Variants in WAPL observed in about 807,000 individuals in gnomAD.
The protein encoded by WAPL is wings apart-like protein homolog.
A neutral mutation model predicts 121.0 loss-of-function variants in WAPL; 5 were observed. The observed-to-expected ratio is 0.04, with a 90% CI of 0.02 to 0.09. The LOEUF (loss-of-function observed/expected upper bound fraction) is 0.09, where lower values mean the gene tolerates loss of function less well. WAPL is among the 10% of genes least tolerant of loss of function. The pLI is 1.00. For synonymous variants in WAPL, 480 were observed against 481.5 expected (o/e 1.00, Z 0.04); for missense variants, 999 against 1,410.8 (o/e 0.71, Z 4.68).
rs896246883 is a variant in WAPL at position 86,521,689 on chromosome 10, G to T, written c.-347C>A. 4.3e-6 allele frequency: 2 copies of T among 464,160 alleles called. No individual in the cohort carries two copies. The highest frequency in any genetic ancestry group is 3.4e-4 in the Middle Eastern group (1 of 2,974). The allele number at this position is 464,160 out of a possible 1,614,324, so 28.8% of individuals were successfully genotyped here. A position where few individuals can be genotyped will look rare whatever the true frequency, so the allele number is the denominator to read the frequency against. On this transcript the variant is annotated 5_prime_UTR_variant, in exon 1 of 19. Coordinates refer to ENST00000298767, the MANE Select transcript of WAPL (RefSeq NM_015045.5). ...GCCTCCTGCGCCGCCGCTTCCGCCG[G>T]TGAATGGTCAGTGCTGGAGTTTGAA...
chr10:86,444,954 A>G (rs1383601041), intron 16 of WAPL, among the ~76,000 whole-genome samples: 6 of 151,584 alleles, frequency 4.0e-5, no homozygotes, highest in Non-Finnish European at 5.9e-5. Context: ...AGGAAAAGAC[A>G]AGTATTACAA....
chr10:86,477,762 T>C (rs907154281), intron 4 of WAPL, among the ~76,000 whole-genome samples: 2 of 151,730 alleles, frequency 1.3e-5, no homozygotes, highest in Admixed American at 6.6e-5. Flanking sequence ...GATTGCACCA[T>C]TGCACTCCAG....
At chr10:86,459,263 C>T (rs916509194) in intron 11 of WAPL, among the ~76,000 whole-genome samples, 198 bp from the exon 12 acceptor site, 5 of 152,200 alleles carry the variant, frequency 3.3e-5, no homozygotes, top group Admixed American at 2.0e-4. Flanking sequence ...ATTAAGACAT[C>T]ACTGTTATAT....
intron 17 of WAPL, among the ~76,000 whole-genome samples, chr10:86,438,271 T>TA (rs1554825065): frequency 0.061 from 9,052 of 148,342 alleles, 345 homozygotes; most frequent in Non-Finnish European, 0.093. Context: ...TTTTTTTTTT[T>TA]AAATGAAACA....
At chr10:86,493,950 C>A (rs1842100492) in intron 4 of WAPL, among the ~76,000 whole-genome samples, 1 of 152,204 alleles carries the variant, frequency 6.6e-6, no homozygotes, top group Non-Finnish European at 1.5e-5. Context: ...CTCTAGTAAG[C>A]TGAGATTGCG....
chr10:86,520,409 G>A (rs993625025), intron 1 of WAPL, among the ~76,000 whole-genome samples: 2 of 152,232 alleles, frequency 1.3e-5, no homozygotes, highest in African/African-American at 4.8e-5. Flanking sequence ...ATTAAGGAAT[G>A]AGAAGTGTAT....
Position 86,446,367 on chromosome 10 carries a change from T to G in WAPL, c.3197A>C (p.His1066Pro). Reference sequence around the variant, plus strand: ...TTCTTGCCACTCTCCACTCTTATCATGCTGAGTGGTGGGAGCATCTTTGAT... The same window carrying G: ...TTCTTGCCACTCTCCACTCTTATCAGGCTGAGTGGTGGGAGCATCTTTGAT... The part of the protein sequence containing the change: ...ELIKDAPTTQ[H>P]DKSGEWQETS... Residue 1066 changes from histidine to proline, a missense_variant, in exon 16 of 19, where the codon CAT becomes CCT. By Grantham distance (77) the His-to-Pro change is moderately conservative (BLOSUM62 -2). Coordinates refer to ENST00000298767, the MANE Select transcript of WAPL (RefSeq NM_015045.5). 6.2e-7 allele frequency: 1 copy of G among 1,614,222 alleles called. No homozygotes were observed. Among genetic ancestry groups the G allele is most frequent in the Non-Finnish European group, 8.5e-7 (1 of 1,180,034 alleles).
intron 12 of WAPL, 134 bp from the exon 13 acceptor site, chr10:86,453,965 T>G (rs879305212): frequency 1.6e-5 from 12 of 772,264 alleles, no homozygotes; most frequent in Non-Finnish European, 1.9e-5. Context: ...CTTAAAAAAC[T>G]TATTCAAGGA....
chr10:86,468,075 T>C (rs1455662634), intron 8 of WAPL, among the ~76,000 whole-genome samples: 1 of 152,212 alleles, frequency 6.6e-6, no homozygotes, highest in Non-Finnish European at 1.5e-5. Context: ...GAATGCCTGA[T>C]AGCTCTAAGA....
intron 4 of WAPL, among the ~76,000 whole-genome samples, chr10:86,478,683 G>T (rs1011903181): frequency 1.3e-5 from 2 of 152,024 alleles, no homozygotes; most frequent in Admixed American, 1.3e-4. Context: ...AAACTGATGG[G>T]GCATTTCTTC....
chr10:86,500,323 C>T lies in WAPL; in HGVS notation c.920G>A (p.Gly307Glu). Residue 307 changes from glycine to glutamate, a missense_variant, in exon 3 of 19, where the codon GGA (glycine) becomes GAA (glutamate). By Grantham distance (98) the Gly-to-Glu change is moderately conservative. Coordinates refer to ENST00000298767, the MANE Select transcript of WAPL (RefSeq NM_015045.5). ...CRANKTKSSQ[G>E]ASNFDKLMDG... ...CATCAGCTTATCAAAATTTGATGCT[C>T]CTTGGGAGGATTTCGTTTTATTGGC... 1.2e-6 allele frequency: 2 copies of T among 1,614,202 alleles called. No homozygotes were observed. The highest frequency in any genetic ancestry group is 1.7e-6 in the Non-Finnish European group (2 of 1,180,034).
At chr10:86,506,580 G>T (rs952029343) in intron 2 of WAPL, among the ~76,000 whole-genome samples, 1 of 152,066 alleles carries the variant, frequency 6.6e-6, no homozygotes. Context: ...TTGCATCCAG[G>T]AGTCAGAGAC....
At chr10:86,459,317 G>A (rs1238526920) in intron 11 of WAPL, among the ~76,000 whole-genome samples, 1 of 152,118 alleles carries the variant, frequency 6.6e-6, no homozygotes, top group Non-Finnish European at 1.5e-5. Flanking sequence ...TCACTGTAAC[G>A]AATTGCCAAA....
chr10:86,486,066 C>G (rs1488562553), intron 4 of WAPL, among the ~76,000 whole-genome samples: 1 of 152,158 alleles, frequency 6.6e-6, no homozygotes, highest in Non-Finnish European at 1.5e-5. Context: ...ATCACCAATC[C>G]AATTGCTACA....
At chr10:86,507,972 T>C (rs1284440942) in intron 2 of WAPL, among the ~76,000 whole-genome samples, 1 of 152,190 alleles carries the variant, frequency 6.6e-6, no homozygotes, top group Admixed American at 6.5e-5. Context: ...ACAAAATGTC[T>C]ATTGAGGACA....
At chr10:86,477,641 A>G (rs760539683) in intron 4 of WAPL, among the ~76,000 whole-genome samples, 1 of 151,774 alleles carries the variant, frequency 6.6e-6, no homozygotes, top group Non-Finnish European at 1.5e-5. Flanking sequence ...CATCTCTACT[A>G]AATACAAAAA....
At chr10:86,444,436 C>G (rs1849550547) in intron 16 of WAPL, among the ~76,000 whole-genome samples, 2 of 152,120 alleles carry the variant, frequency 1.3e-5, no homozygotes, top group South Asian at 4.1e-4. Flanking sequence ...ACTCAAATGT[C>G]CATCAGTAAA....
chr10:86,512,622 G>A (rs1006138952), intron 2 of WAPL, among the ~76,000 whole-genome samples: 8 of 152,212 alleles, frequency 5.3e-5, no homozygotes, highest in African/African-American at 1.9e-4. Flanking sequence ...ATTTTTAATT[G>A]GCACACCTGG....
At chr10:86,492,520 G>C (rs913003020) in intron 4 of WAPL, among the ~76,000 whole-genome samples, 3 of 152,152 alleles carry the variant, frequency 2.0e-5, no homozygotes, top group African/African-American at 7.2e-5. Context: ...ACAATGCTAA[G>C]AGTGGAGTAA....
Sources: gnomAD v4.1 joint callset for allele counts (sites outside exome capture counted in the v4.1 genomes callset) on GRCh38, gnomAD v4.1.1 for gene constraint, MANE v1.5 for transcripts, NCBI Gene and HGNC (gene_info 2026-07-23, HGNC 2026-07-21) for gene names.